The following TTC3 variants were observed in gnomAD, a reference collection of about 807,000 sequenced individuals.
TTC3 encodes the protein tetratricopeptide repeat domain 3.
A neutral mutation model predicts 249.6 loss-of-function variants in TTC3; 180 were observed. That is an observed-to-expected ratio of 0.72 (90% confidence interval 0.64 to 0.82). TTC3 has a LOEUF of 0.82. TTC3 is among the 40% of genes least tolerant of loss of function. The pLI, the probability that TTC3 is intolerant of heterozygous loss-of-function variation, is 0.00. For missense variants in TTC3, 2,061 were observed against 2,398.4 expected, an observed-to-expected ratio of 0.86 and a Z score of 2.94; for synonymous variants, 717 against 805.0, an observed-to-expected ratio of 0.89 and a Z score of 1.85.
At chr21:37,132,651 A>G in intron 16 of TTC3, 31 bp from the exon 17 acceptor site, 1 of 1,553,582 alleles carries the variant, frequency 6.4e-7, no homozygotes, top group Non-Finnish European at 8.7e-7. Context: ...TTATTTTAAA[A>G]TGATTTTTAA....
At chr21:37,091,119 T>C (rs1431218541) in intron 6 of TTC3, among the ~76,000 whole-genome samples, 174 bp from the exon 7 acceptor site, 2 of 152,174 alleles carry the variant, frequency 1.3e-5, no homozygotes, top group Non-Finnish European at 2.9e-5. Context: ...ATCTGTTAAT[T>C]TATATGTCAG....
intron 28 of TTC3, 155 bp downstream of exon 28, chr21:37,157,061 A>G: frequency 7.5e-7 from 1 of 1,339,252 alleles, no homozygotes; most frequent in Non-Finnish European, 1.0e-6. Context: ...TAACAGTAGC[A>G]ATTTTTTTAT....
chr21:37,160,126 C>G (rs933042074), intron 29 of TTC3, among the ~76,000 whole-genome samples: 13 of 152,154 alleles, frequency 8.5e-5, no homozygotes, highest in Admixed American at 3.9e-4. Flanking sequence ...TTGAGTGGCT[C>G]TAAATTACGT....
chr21:37,084,792 A>C (rs967218416), intron 1 of TTC3, among the ~76,000 whole-genome samples: 5 of 152,212 alleles, frequency 3.3e-5, no homozygotes, highest in African/African-American at 1.2e-4. Context: ...CAGGAGTTCA[A>C]GACCAGCCTG....
chr21:37,159,687 A>T lies in TTC3; in HGVS notation c.2993-12A>T. On this transcript the variant is annotated splice_polypyrimidine_tract_variant and intron_variant, in intron 28 of 45. Coordinates refer to ENST00000355666, the Ensembl canonical transcript of TTC3. ...TTAGTTTTCTCACAAAACCATCTGT[A>T]TATTCCTACAGACAGCCGCTGTACT... 1.9e-6 allele frequency: 3 copies of T among 1,613,042 alleles called. No individual in the cohort carries two copies. The highest frequency in any genetic ancestry group is 2.5e-6 in the Non-Finnish European group (3 of 1,179,540).
intron 35 of TTC3, among the ~76,000 whole-genome samples, chr21:37,175,982 G>A (rs1418982510): frequency 6.6e-6 from 1 of 151,972 alleles, no homozygotes; most frequent in African/African-American, 2.4e-5. Context: ...TGTTGGCCAG[G>A]CTAGTCTTGA....
At chr21:37,144,962 A>G (rs1254577554) in intron 21 of TTC3, among the ~76,000 whole-genome samples, 3 of 152,214 alleles carry the variant, frequency 2.0e-5, no homozygotes, top group Admixed American at 6.5e-5. Flanking sequence ...CAGCAAGCAA[A>G]TTGTGGTCCT....
At chr21:37,106,648 G>A (rs140757643) in intron 10 of TTC3, among the ~76,000 whole-genome samples, 107 of 152,326 alleles carry the variant, frequency 7.0e-4, no homozygotes, top group African/African-American at 2.5e-3. Flanking sequence ...ACTTTGGGAG[G>A]ACAAGGCAGG....
chr21:37,143,537 A>G (rs947809511), intron 20 of TTC3, among the ~76,000 whole-genome samples: 8 of 152,168 alleles, frequency 5.3e-5, no homozygotes, highest in Middle Eastern at 6.8e-3. Flanking sequence ...TCAAAACCAC[A>G]ATGAGATACC....
intron 34 of TTC3, among the ~76,000 whole-genome samples, chr21:37,172,203 T>G (rs570210630): frequency 7.9e-5 from 12 of 152,322 alleles, no homozygotes; most frequent in African/African-American, 2.9e-4. Context: ...AAAGCCAAAG[T>G]TAAAATGTTC....
At chr21:37,120,033 G>A (rs1484325953) in intron 11 of TTC3, among the ~76,000 whole-genome samples, 1 of 152,140 alleles carries the variant, frequency 6.6e-6, no homozygotes, top group African/African-American at 2.4e-5. Context: ...CTAGAAAGTA[G>A]TGCATTTCAA....
chr21:37,157,818 T>C (rs2080257155), intron 28 of TTC3, among the ~76,000 whole-genome samples: 1 of 152,220 alleles, frequency 6.6e-6, no homozygotes, highest in African/African-American at 2.4e-5. Context: ...GTGACATGTG[T>C]GGTCCTGTTT....
At chr21:37,166,644 A>T (rs1321884360) in intron 33 of TTC3, 29 bp downstream of exon 33, 1 of 1,549,588 alleles carries the variant, frequency 6.5e-7, no homozygotes, top group Non-Finnish European at 8.7e-7. Flanking sequence ...AGTCTTCTTA[A>T]TACTGAAGTT....
At chr21:37,166,275 G>A in exon 33 of TTC3, 3 of 1,614,174 alleles carry the variant, frequency 1.9e-6, no homozygotes, top group Non-Finnish European at 2.5e-6. Context: ...CCCTTGGCCA[G>A]CCTTTCTCCT....
Position 37,172,654 on chromosome 21 carries a change from G to A in TTC3, c.4527G>A (p.Val1509=), listed in dbSNP as rs187910487. The change falls in exon 35 of 46, where the codon GTG becomes GTA. Residue 1509 remains valine, a synonymous_variant. Coordinates refer to ENST00000355666, the Ensembl canonical transcript of TTC3. ...TATTACAAGACCAACTTCAAGAAGTGTATGAAAATTATGAGCAGATAAAAC... is the reference window on the plus strand; with the variant it reads ...TATTACAAGACCAACTTCAAGAAGTATATGAAAATTATGAGCAGATAAAAC... 48 of 1,614,046 alleles carry A rather than the reference G, an allele frequency of 3.0e-5. No homozygotes were observed. In the Middle Eastern group the frequency reaches 6.6e-4, roughly 22 times the overall value.
intron 13 of TTC3, among the ~76,000 whole-genome samples, chr21:37,124,201 C>T (rs1286374054): frequency 7.4e-6 from 1 of 134,818 alleles, no homozygotes; most frequent in Non-Finnish European, 1.5e-5. Context: ...CTGAAACCTC[C>T]GCCTACTGGG....
chr21:37,153,131 T>G (rs747957425), exon 27 of TTC3: 1 of 1,613,992 alleles, frequency 6.2e-7, no homozygotes, highest in East Asian at 2.2e-5. Flanking sequence ...AGCAGAAATT[T>G]TCTAAATGAA....
Position 37,132,681 on chromosome 21 carries a change from G to A in TTC3, c.1359-1G>A. 5.0e-6 allele frequency: 8 copies of A among 1,584,492 alleles called. No individual in the cohort carries two copies. The highest frequency in any genetic ancestry group is 6.8e-6 in the Non-Finnish European group (8 of 1,169,466). ...TTTTAAAAATGCTTTTTTTCTTTTA[G>A]TTCTAGTTCACCATTGACTTTACCA... On this transcript the variant is annotated splice_acceptor_variant, in intron 16 of 45. Transcript: ENST00000355666. LOFTEE classifies it high-confidence loss of function.
At chr21:37,078,219 A>G (rs567489382) in intron 1 of TTC3, among the ~76,000 whole-genome samples, 2 of 152,146 alleles carry the variant, frequency 1.3e-5, no homozygotes, top group East Asian at 3.9e-4. Context: ...CTCTGTGTTC[A>G]TACCACACTG....
Sources: gnomAD v4.1 joint callset for allele counts (sites outside exome capture counted in the v4.1 genomes callset) on GRCh38, gnomAD v4.1.1 for gene constraint, MANE v1.5 for transcripts, NCBI Gene and HGNC (gene_info 2026-07-23, HGNC 2026-07-21) for gene names.